Variants in DOCK4 observed in about 807,000 individuals in gnomAD.
The protein encoded by DOCK4 is dedicator of cytokinesis protein 4.
A neutral mutation model predicts 268.1 loss-of-function variants in DOCK4; 97 were observed. The observed-to-expected ratio is 0.36, with a 90% CI of 0.31 to 0.43. DOCK4 has a LOEUF of 0.43. Among genes scored for constraint, DOCK4 ranks in the 20% least tolerant of loss-of-function variants. DOCK4 has a pLI of 1.00. For missense variants in DOCK4, 2,145 were observed against 2,455.7 expected, an observed-to-expected ratio of 0.87 and a Z score of 2.67; for synonymous variants, 954 against 887.2, an observed-to-expected ratio of 1.08 and a Z score of -1.34.
At chr7:111,825,464 T>C (rs1326983770) in intron 26 of DOCK4, among the ~76,000 whole-genome samples, 6 of 151,346 alleles carry the variant, frequency 4.0e-5, no homozygotes, top group Non-Finnish European at 7.4e-5. Context: ...TCACTAAATA[T>C]GTGTTTTTGC....
chr7:111,785,398 G>C (rs1799097182), intron 32 of DOCK4, among the ~76,000 whole-genome samples: 1 of 152,170 alleles, frequency 6.6e-6, no homozygotes, highest in African/African-American at 2.4e-5. Flanking sequence ...TCATACTTTA[G>C]AGGCTGAAAA....
At chr7:112,176,367 G>A (rs771966300) in intron 1 of DOCK4, among the ~76,000 whole-genome samples, 28 of 152,122 alleles carry the variant, frequency 1.8e-4, no homozygotes, top group African/African-American at 4.3e-4. Context: ...CCATGAACCC[G>A]TCTACAGGTC....
At chr7:111,874,172 G>A (rs193014864) in intron 17 of DOCK4, among the ~76,000 whole-genome samples, 67 of 151,894 alleles carry the variant, frequency 4.4e-4, no homozygotes, top group Admixed American at 3.0e-3. Flanking sequence ...ATAATCCCTC[G>A]TGCATTTCCC....
At chr7:111,943,173 A>G (rs1795340867) in intron 10 of DOCK4, among the ~76,000 whole-genome samples, 1 of 152,216 alleles carries the variant, frequency 6.6e-6, no homozygotes, top group Admixed American at 6.5e-5. Flanking sequence ...CTGAAGACAA[A>G]GATAGGGAGG....
intron 1 of DOCK4, among the ~76,000 whole-genome samples, chr7:112,083,413 C>T (rs75716049): frequency 0.028 from 4,318 of 152,024 alleles, 217 homozygotes; most frequent in African/African-American, 0.095. Flanking sequence ...AATAGTATAA[C>T]GTATGACCCA....
At chr7:111,803,135 G>A (rs977812269) in intron 30 of DOCK4, among the ~76,000 whole-genome samples, 2 of 152,128 alleles carry the variant, frequency 1.3e-5, no homozygotes, top group African/African-American at 4.8e-5. Context: ...ACTACATTCT[G>A]CAGCCTGATT....
intron 1 of DOCK4, among the ~76,000 whole-genome samples, chr7:112,065,673 C>T (rs116526777): frequency 2.7e-3 from 408 of 151,518 alleles, no homozygotes; most frequent in African/African-American, 9.6e-3. Flanking sequence ...TAACAAGTCC[C>T]CCAGATATTC....
At chr7:111,760,413 A>G in intron 39 of DOCK4, 91 bp from the exon 40 acceptor site, 1 of 1,339,182 alleles carries the variant, frequency 7.5e-7, no homozygotes, top group Non-Finnish European at 1.0e-6. Context: ...GTAACTGACC[A>G]CATGCCCCAT....
intron 1 of DOCK4, among the ~76,000 whole-genome samples, chr7:112,135,229 A>G (rs1033750459): frequency 2.0e-5 from 3 of 152,174 alleles, no homozygotes; most frequent in African/African-American, 7.2e-5. Context: ...GCTTATTGAT[A>G]AATATAGATT....
chr7:111,959,316 TCAGA>T lies in DOCK4; in HGVS notation c.702-13522_702-13519del, dbSNP rs536292665. On this transcript the variant is annotated intron_variant, in intron 8 of 52. Transcript: ENST00000428084. ...TTGTACTCCCTGCACGTCTGGCCGG[TCAGA>T]CATTTTCCCTACATTACTGCTCTGC... 4.1e-4 allele frequency among the ~76,000 whole-genome samples: 62 copies of T among 152,266 alleles called. No individual in the cohort carries two copies. The East Asian group carries it at 4.8e-3, about 12-fold the overall frequency.
intron 1 of DOCK4, among the ~76,000 whole-genome samples, chr7:112,042,308 A>G (rs17159195): frequency 0.035 from 5,341 of 152,268 alleles, 306 homozygotes; most frequent in African/African-American, 0.12. Context: ...TGACCAGGAG[A>G]CGAAGACATT....
Position 112,183,609 on chromosome 7 carries a change from T to C in DOCK4, c.37+22493A>G, listed in dbSNP as rs561648673. 3.3e-5 allele frequency among the ~76,000 whole-genome samples: 5 copies of C among 152,318 alleles called. No homozygotes were observed. In the South Asian group the frequency reaches 1.0e-3, roughly 32 times the overall value. The stretch of plus-strand genomic sequence containing the variant: ...TCTTCCTTCTGATGGTCATGTAGCA[T>C]ACCTAGTCTTGTCCAACAAATGCCA... On this transcript the variant is annotated intron_variant, in intron 1 of 52. Coordinates refer to ENST00000428084, the MANE Select transcript of DOCK4 (RefSeq NM_001363540.2).
At chr7:112,082,280 T>C (rs1232380413) in intron 1 of DOCK4, among the ~76,000 whole-genome samples, 1 of 152,146 alleles carries the variant, frequency 6.6e-6, no homozygotes, top group African/African-American at 2.4e-5. Context: ...GAGAGTCTCA[T>C]ACATTATTGT....
intron 1 of DOCK4, among the ~76,000 whole-genome samples, chr7:112,161,375 C>G (rs1281744588): frequency 6.6e-6 from 1 of 152,178 alleles, no homozygotes; most frequent in Non-Finnish European, 1.5e-5. Flanking sequence ...ATGAAACAAT[C>G]TGGCCAGACA....
chr7:112,133,414 T>C (rs1162488858), intron 1 of DOCK4, among the ~76,000 whole-genome samples: 1 of 152,136 alleles, frequency 6.6e-6, no homozygotes, highest in African/African-American at 2.4e-5. Context: ...CCTCTTTGCC[T>C]GAATGAAAAA....
At chr7:111,742,196 T>C (rs1274957765) in intron 44 of DOCK4, 64 bp from the exon 45 acceptor site, 33 of 1,484,010 alleles carry the variant, frequency 2.2e-5, no homozygotes, top group Middle Eastern at 1.8e-4. Flanking sequence ...GTGCCTGCTA[T>C]GGGCCGAGCA....
intron 41 of DOCK4, 99 bp downstream of exon 41, chr7:111,758,525 C>T: frequency 7.5e-7 from 1 of 1,340,262 alleles, no homozygotes; most frequent in East Asian, 2.4e-5. Context: ...CTGTTTCTGT[C>T]ACTTGACACT....
intron 1 of DOCK4, among the ~76,000 whole-genome samples, chr7:112,069,713 C>CA (rs1346285284): frequency 6.6e-6 from 1 of 151,940 alleles, no homozygotes; most frequent in Non-Finnish European, 1.5e-5. Flanking sequence ...GGTATCAGAG[C>CA]AAAGATCAAG....
chr7:111,822,544 G>T, intron 26 of DOCK4, 88 bp from the exon 27 acceptor site: 1 of 1,152,370 alleles, frequency 8.7e-7, no homozygotes, highest in Non-Finnish European at 1.2e-6. Context: ...CTGTTGTACT[G>T]TTACCATTTC....
Sources: gnomAD v4.1 joint callset for allele counts (sites outside exome capture counted in the v4.1 genomes callset) on GRCh38, gnomAD v4.1.1 for gene constraint, MANE v1.5 for transcripts, NCBI Gene and HGNC (gene_info 2026-07-23, HGNC 2026-07-21) for gene names.